Variants in MYO1D observed in about 807,000 individuals in gnomAD.
MYO1D encodes the protein unconventional myosin-Id.
A neutral mutation model predicts 122.0 loss-of-function variants in MYO1D; 83 were observed. That is an observed-to-expected ratio of 0.68 (90% CI 0.57 to 0.82). MYO1D has a LOEUF of 0.82. Among genes scored for constraint, MYO1D ranks in the 40% least tolerant of loss-of-function variants. MYO1D has a pLI of 0.00. For missense variants in MYO1D, 1,157 were observed against 1,269.5 expected (o/e 0.91, Z 1.35); for synonymous variants, 464 against 446.9 (o/e 1.04, Z -0.48).
intron 10 of MYO1D, among the ~76,000 whole-genome samples, chr17:32,757,807 C>T (rs2089964116): frequency 6.6e-6 from 1 of 152,228 alleles, no homozygotes; most frequent in African/African-American, 2.4e-5. Flanking sequence ...CTAAGTTCTT[C>T]CAGCAACTTG....
intron 14 of MYO1D, among the ~76,000 whole-genome samples, chr17:32,726,603 A>G (rs1294793785): frequency 6.7e-6 from 1 of 149,842 alleles, no homozygotes; most frequent in South Asian, 2.1e-4. Context: ...TCTAATAGCT[A>G]TAACAGATAT....
intron 1 of MYO1D, among the ~76,000 whole-genome samples, chr17:32,781,970 T>C (rs2151030125): frequency 6.6e-6 from 1 of 152,282 alleles, no homozygotes; most frequent in East Asian, 1.9e-4. Context: ...CTGGTAGACA[T>C]CTCTCTCACG....
intron 1 of MYO1D, among the ~76,000 whole-genome samples, chr17:32,792,029 C>T (rs1182025658): frequency 3.9e-5 from 6 of 152,056 alleles, no homozygotes; most frequent in Non-Finnish European, 7.4e-5. Context: ...AGAGAAAAGC[C>T]GAGTTTTTTA....
intron 17 of MYO1D, 89 bp downstream of exon 17, chr17:32,659,025 GA>G: frequency 8.4e-7 from 1 of 1,196,600 alleles, no homozygotes; most frequent in Non-Finnish European, 1.2e-6. Context: ...GCAAATAGCT[GA>G]GTCAATATCA....
chr17:32,783,717 A>G (rs58982865), intron 1 of MYO1D, among the ~76,000 whole-genome samples: 104 of 152,348 alleles, frequency 6.8e-4, no homozygotes, highest in African/African-American at 2.3e-3. Context: ...GGTGGTGCCA[A>G]TATACACCTT....
At chr17:32,698,837 A>G (rs2150979188) in intron 16 of MYO1D, among the ~76,000 whole-genome samples, 1 of 152,346 alleles carries the variant, frequency 6.6e-6, no homozygotes, top group African/African-American at 2.4e-5. Flanking sequence ...GCCATAATAT[A>G]ATCCAATAAT....
chr17:32,543,750 A>T (rs1468306341), intron 21 of MYO1D, among the ~76,000 whole-genome samples: 1 of 152,058 alleles, frequency 6.6e-6, no homozygotes, highest in East Asian at 1.9e-4. Flanking sequence ...GTGGCATGCT[A>T]AGTCCTGACT....
At chr17:32,846,198 A>G (rs2090936414) in intron 1 of MYO1D, among the ~76,000 whole-genome samples, 1 of 152,228 alleles carries the variant, frequency 6.6e-6, no homozygotes, top group Admixed American at 6.5e-5. Context: ...TCGTCACACA[A>G]GACAAAAAGT....
At chr17:32,519,060 G>A (rs1463330157) in intron 21 of MYO1D, 1 of 152,438 alleles carries the variant, frequency 6.6e-6, no homozygotes, top group Non-Finnish European at 1.5e-5. Context: ...CTCACCAAGT[G>A]ACACCGCTCC....
chr17:32,670,478 G>C (rs1284586243), intron 16 of MYO1D, among the ~76,000 whole-genome samples: 2 of 152,028 alleles, frequency 1.3e-5, no homozygotes, highest in Non-Finnish European at 2.9e-5. Context: ...ATTGATAGAG[G>C]CAGGAGACAG....
intron 1 of MYO1D, among the ~76,000 whole-genome samples, chr17:32,816,402 T>C (rs898814021): frequency 1.3e-5 from 2 of 152,196 alleles, no homozygotes; most frequent in Non-Finnish European, 2.9e-5. Flanking sequence ...AGAAGGTTAA[T>C]GTCCTAGACC....
chr17:32,753,218 A>T (rs1053075986), intron 11 of MYO1D, among the ~76,000 whole-genome samples: 1 of 150,460 alleles, frequency 6.6e-6, no homozygotes, highest in African/African-American at 2.5e-5. Flanking sequence ...CATGAACACA[A>T]AGATGGAAAT....
intron 10 of MYO1D, chr17:32,759,944 G>C: frequency 2.0e-6 from 1 of 505,604 alleles, no homozygotes. Context: ...GAAGAAACTA[G>C]ATTCTGAAGC....
chr17:32,750,255 C>T (rs143299739), intron 11 of MYO1D, among the ~76,000 whole-genome samples: 163 of 152,296 alleles, frequency 1.1e-3, no homozygotes, highest in African/African-American at 3.8e-3. Flanking sequence ...TCTTTGTCTG[C>T]CCTGTTAAGA....
chr17:32,846,998 CAAATAAGT>C (rs1423153165), intron 1 of MYO1D, among the ~76,000 whole-genome samples: 1 of 151,962 alleles, frequency 6.6e-6, no homozygotes, highest in East Asian at 1.9e-4. Context: ...AACAAACAAA[CAAATAAGT>C]AAATAAGACA....
chr17:32,660,577 T>G (rs1268269089), intron 16 of MYO1D, among the ~76,000 whole-genome samples: 1 of 152,164 alleles, frequency 6.6e-6, no homozygotes, highest in African/African-American at 2.4e-5. Context: ...GCACACTACG[T>G]GCAAGAAGAT....
At chr17:32,833,344 C>T (rs1445627966) in intron 1 of MYO1D, among the ~76,000 whole-genome samples, 6 of 152,172 alleles carry the variant, frequency 3.9e-5, no homozygotes, top group Non-Finnish European at 2.9e-5. Context: ...AGTATAAACA[C>T]AATCCATCTC....
chr17:32,687,275 C>T (rs2089029651), intron 16 of MYO1D, among the ~76,000 whole-genome samples: 1 of 151,318 alleles, frequency 6.6e-6, no homozygotes, highest in Non-Finnish European at 1.5e-5. Context: ...CAGCTCACTG[C>T]AAGCTCCGCC....
rs538455828 is a variant in MYO1D at position 32,842,360 on chromosome 17, TC to T, written c.95+34417del. On this transcript the variant is annotated intron_variant, in intron 1 of 21. Transcript: ENST00000318217. ...ACTGCAAGGTTTCCGAGACAGTTAA[TC>T]CCAGCAGTGCCCAGGTGGACAGGGG... Among the ~76,000 whole-genome samples the T allele has an allele frequency of 4.1e-3, 618 of 152,294 alleles. 2 individuals carry two copies. The highest frequency in any genetic ancestry group is 6.4e-3 in the Admixed American group (98 of 15,302).
Sources: gnomAD v4.1 joint callset for allele counts (sites outside exome capture counted in the v4.1 genomes callset) on GRCh38, gnomAD v4.1.1 for gene constraint, MANE v1.5 for transcripts, NCBI Gene and HGNC (gene_info 2026-07-23, HGNC 2026-07-21) for gene names.